Variants in NKIRAS1 observed in about 807,000 individuals in gnomAD.
NKIRAS1 encodes the protein NFKB inhibitor interacting Ras like 1.
A neutral mutation model predicts 19.8 loss-of-function variants in NKIRAS1; 16 were observed. That is an observed-to-expected ratio of 0.81 (90% CI 0.55 to 1.23). NKIRAS1 has a LOEUF of 1.23. Among genes scored for constraint, NKIRAS1 ranks in the 50% most tolerant of loss-of-function variants. The probability of loss-of-function intolerance (pLI) is 0.00; values close to 1 mark genes in which losing one functional copy is unlikely to be tolerated. For missense variants in NKIRAS1, 184 were observed against 220.0 expected (o/e 0.84, Z 1.04); for synonymous variants, 88 against 79.0 (o/e 1.11, Z -0.61).
At chr3:23,938,283 C>T (rs908864501) in intron 1 of NKIRAS1, among the ~76,000 whole-genome samples, 2 of 150,412 alleles carry the variant, frequency 1.3e-5, no homozygotes, top group Non-Finnish European at 3.0e-5. Flanking sequence ...GATCACAACT[C>T]ACTGCAGCCT....
upstream of NKIRAS1, chr3:23,920,664 C>T: frequency 8.1e-6 from 8 of 985,184 alleles, no homozygotes; most frequent in Non-Finnish European, 9.6e-6. Flanking sequence ...CAATTTTCTC[C>T]TATCTTCTCT....
chr3:23,894,179 C>A (rs555778640), intron 4 of NKIRAS1, among the ~76,000 whole-genome samples: 1 of 152,286 alleles, frequency 6.6e-6, no homozygotes, highest in South Asian at 2.1e-4. Context: ...CTGCGCGTGA[C>A]AGAATACAGC....
At chr3:23,921,380 C>T (rs1475767687), upstream of NKIRAS1, among the ~76,000 whole-genome samples, 1 of 152,200 alleles carries the variant, frequency 6.6e-6, no homozygotes. Flanking sequence ...CTGCAGTCCA[C>T]ACCCCAGGCT....
chr3:23,894,489 G>A (rs548951192), intron 4 of NKIRAS1, among the ~76,000 whole-genome samples: 1 of 152,224 alleles, frequency 6.6e-6, no homozygotes, highest in East Asian at 1.9e-4. Flanking sequence ...AAGCCCTCCT[G>A]TCATTCTTCA....
chr3:23,892,994 G>A lies in NKIRAS1; in HGVS notation c.*101C>T, dbSNP rs1575054260. On this transcript the variant is annotated 3_prime_UTR_variant, in exon 5 of 5. Coordinates refer to ENST00000425478, the MANE Select transcript of NKIRAS1 (RefSeq NM_020345.4). ...TTAGGAATTTTCCTAAGGACCAAAG[G>A]TAGATACAAATGGCCTATTTTAAAT... The A allele has an allele frequency of 2.4e-6, 3 of 1,257,012 alleles. No individual in the cohort carries two copies. Among genetic ancestry groups the A allele is most frequent in the East Asian group, 2.6e-5 (1 of 38,946 alleles). 77.9% of individuals were successfully genotyped at this position (1,257,012 alleles called of 1,614,324 possible).
At chr3:23,913,687 A>G (rs923134212) in intron 1 of NKIRAS1, among the ~76,000 whole-genome samples, 5 of 152,258 alleles carry the variant, frequency 3.3e-5, no homozygotes, top group African/African-American at 1.2e-4. Context: ...TAAAGCACTT[A>G]TAATTATTTA....
intron 1 of NKIRAS1, chr3:23,916,150 G>A (rs1255900271): frequency 1.3e-5 from 2 of 152,128 alleles, no homozygotes; most frequent in Non-Finnish European, 2.9e-5. Context: ...TGGGAAAAAA[G>A]ATAATCAAAA....
chr3:23,946,308 C>G (rs1030198909), intron 1 of NKIRAS1: 1 of 984,748 alleles, frequency 1.0e-6, no homozygotes, highest in African/African-American at 1.7e-5. Flanking sequence ...CCTGGGGAGG[C>G]TGGTAGCTGC....
At chr3:23,896,750 G>A (rs1211099282) in intron 4 of NKIRAS1, among the ~76,000 whole-genome samples, 2 of 151,840 alleles carry the variant, frequency 1.3e-5, no homozygotes, top group Admixed American at 6.6e-5. Context: ...GAGGAAGGAG[G>A]ACTGTTTGAG....
chr3:23,917,680 C>T (rs1704716233), upstream of NKIRAS1: 5 of 635,330 alleles, frequency 7.9e-6, no homozygotes, highest in South Asian at 8.3e-5. Context: ...CTGAACGCGG[C>T]TCCGTGGGCG....
chr3:23,929,087 C>T (rs1176548573), intron 1 of NKIRAS1, among the ~76,000 whole-genome samples: 1 of 151,764 alleles, frequency 6.6e-6, no homozygotes, highest in Non-Finnish European at 1.5e-5. Context: ...TTGTGCCAGG[C>T]GTGGTGGCTC....
chr3:23,927,044 C>T lies in NKIRAS1; in HGVS notation c.-139-15594G>A, dbSNP rs889411523. Reference sequence around the variant, plus strand: ...CCACAGCCCCAACATCATTCCAGTTCAGCCTTGGGAAGGCTGACTAGACAT... The same window carrying T: ...CCACAGCCCCAACATCATTCCAGTTTAGCCTTGGGAAGGCTGACTAGACAT... On this transcript the variant is annotated intron_variant, in intron 1 of 4. Coordinates refer to the NKIRAS1 transcript ENST00000421515. This position sits in a 1 kb window ranked among gnomAD's most constrained non-coding sequence, Gnocchi z 4.0. Among the ~76,000 whole-genome samples, 1 of 152,196 alleles carries T rather than the reference C, an allele frequency of 6.6e-6. No individual in the cohort carries two copies. The highest frequency in any genetic ancestry group is 2.4e-5 in the African/African-American group (1 of 41,436).
intron 1 of NKIRAS1, among the ~76,000 whole-genome samples, chr3:23,942,607 T>C (rs1575137392): frequency 6.6e-6 from 1 of 152,146 alleles, no homozygotes; most frequent in South Asian, 2.1e-4. Flanking sequence ...AATTTTGTAT[T>C]TTTAGTAGAG....
At chr3:23,897,468 T>C (rs1702094259) in intron 4 of NKIRAS1, among the ~76,000 whole-genome samples, 1 of 152,140 alleles carries the variant, frequency 6.6e-6, no homozygotes, top group Admixed American at 6.5e-5. Context: ...TGAAAATAAA[T>C]AAATGCAACT....
Position 23,910,835 on chromosome 3 carries a change from G to A in NKIRAS1, c.70C>T (p.Leu24Phe), listed in dbSNP as rs1703626732. The A allele has an allele frequency of 6.2e-7, 1 of 1,613,646 alleles. No homozygotes were observed. The highest frequency in any genetic ancestry group is 1.1e-5 in the South Asian group (1 of 91,078). ...CCAATAGTATGATTTCCATAAAGGA[G>A]CTGCTCCAAAATTGCAGTTTTCCCC... Reference protein sequence around the residue: ...SVGKTAILEQLLYGNHTIGME... With the variant: ...SVGKTAILEQFLYGNHTIGME... The change falls in exon 3 of 5, where the codon CTC becomes TTC. Residue 24 changes from leucine to phenylalanine, a missense_variant. Transcript: ENST00000425478.
intron 1 of NKIRAS1, chr3:23,946,182 C>G (rs932720929): frequency 8.1e-6 from 8 of 985,326 alleles, no homozygotes; most frequent in Non-Finnish European, 9.6e-6. Context: ...CCGCTGAGCC[C>G]CCGCGGCGGG....
chr3:23,919,451 C>G, upstream of NKIRAS1: 1 of 1,603,904 alleles, frequency 6.2e-7, no homozygotes, highest in Non-Finnish European at 8.5e-7. Context: ...TGGCTCTCGC[C>G]GGGCAGCTTG....
intron 1 of NKIRAS1, among the ~76,000 whole-genome samples, chr3:23,944,141 G>C (rs1406291134): frequency 1.3e-5 from 2 of 152,138 alleles, no homozygotes; most frequent in East Asian, 1.9e-4. Context: ...ACTTGCTAAT[G>C]GATTGAATGG....
upstream of NKIRAS1, chr3:23,918,484 C>T: frequency 1.9e-6 from 3 of 1,613,528 alleles, no homozygotes; most frequent in Non-Finnish European, 2.5e-6. Flanking sequence ...TGGCCGAAAA[C>T]GCCCAGTTCC....
Sources: allele counts gnomAD v4.1 joint callset (sites outside exome capture counted in the v4.1 genomes callset), GRCh38; gene constraint gnomAD v4.1.1; non-coding constraint Gnocchi (gnomAD v3.1); transcripts MANE v1.5; gene names NCBI Gene and HGNC (gene_info 2026-07-23, HGNC 2026-07-21).